The following CSMD1 variants were observed in gnomAD, a reference collection of about 807,000 sequenced individuals.
The protein encoded by CSMD1 is CUB and sushi domain-containing protein 1.
In CSMD1, 213 loss-of-function variants were observed where a neutral mutation model predicts 417.5. The observed-to-expected ratio is 0.51, with a 90% CI of 0.46 to 0.57. The LOEUF (loss-of-function observed/expected upper bound fraction) is 0.57. Among genes scored for constraint, CSMD1 ranks in the 20% least tolerant of loss-of-function variants. The pLI, the probability that CSMD1 is intolerant of heterozygous loss-of-function variation, is 0.00. For missense variants in CSMD1, 6,923 were observed against 4,529.7 expected (o/e 1.53, Z -15.17); for synonymous variants, 2,862 against 1,736.8 (o/e 1.65, Z -16.11).
intron 1 of CSMD1, among the ~76,000 whole-genome samples, chr8:4,834,178 G>A (rs1159660494): frequency 6.6e-6 from 1 of 152,158 alleles, no homozygotes; most frequent in South Asian, 2.1e-4. Flanking sequence ...TGTTATGTCA[G>A]GTTTAAATCT....
At chr8:3,975,446 A>G (rs932973288) in intron 5 of CSMD1, among the ~76,000 whole-genome samples, 1 of 152,128 alleles carries the variant, frequency 6.6e-6, no homozygotes, top group East Asian at 1.9e-4. Flanking sequence ...GAAAAATTCA[A>G]TTAGAAAATG....
chr8:4,246,821 T>C (rs765263497), intron 3 of CSMD1, among the ~76,000 whole-genome samples: 2 of 152,220 alleles, frequency 1.3e-5, no homozygotes, highest in Admixed American at 6.5e-5. Context: ...ATTTGACTTG[T>C]AAATAAATGT....
At chr8:4,731,870 T>C in intron 1 of CSMD1, among the ~76,000 whole-genome samples, 1 of 152,170 alleles carries the variant, frequency 6.6e-6, no homozygotes, top group East Asian at 1.9e-4. Flanking sequence ...TAGTACTGTA[T>C]TTTTATTCTA....
At chr8:4,184,056 T>C (rs893955528) in intron 3 of CSMD1, among the ~76,000 whole-genome samples, 5 of 152,212 alleles carry the variant, frequency 3.3e-5, no homozygotes, top group Admixed American at 2.0e-4. Context: ...TGTTATTATC[T>C]ACCCTGCAAT....
Position 4,398,212 on chromosome 8 carries a change from C to T in CSMD1, c.415+21741G>A, listed in dbSNP as rs75207715. ...GTAGCTGAGAATGTAGAAGGATGAT[C>T]TGTAGTATGTGGTGGGCCTCACTCC... On this transcript the variant is annotated intron_variant, in intron 3 of 69. Coordinates refer to ENST00000635120, the MANE Select transcript of CSMD1 (RefSeq NM_033225.6). 5.3e-3 allele frequency among the ~76,000 whole-genome samples: 809 copies of T among 152,180 alleles called. 7 individuals are homozygous for T. The highest frequency in any genetic ancestry group is 0.017 in the African/African-American group (698 of 41,526).
At chr8:4,015,831 A>T (rs977486652) in intron 4 of CSMD1, among the ~76,000 whole-genome samples, 7 of 152,176 alleles carry the variant, frequency 4.6e-5, no homozygotes, top group African/African-American at 1.7e-4. Context: ...CAAGCGGCGT[A>T]ACTTCCCAAT....
chr8:3,539,671 A>G (rs1216143892), intron 10 of CSMD1, among the ~76,000 whole-genome samples: 1 of 152,066 alleles, frequency 6.6e-6, no homozygotes, highest in African/African-American at 2.4e-5. Flanking sequence ...CTTGTCACCC[A>G]CTAAGAACCA....
In CSMD1 at chr8:4,675,422, A is replaced by G. The variant is rs149670955; in HGVS notation, c.86-37864T>C. Among the ~76,000 whole-genome samples the G allele has an allele frequency of 3.2e-3, 481 of 152,318 alleles. 5 individuals are homozygous for G. Among genetic ancestry groups the G allele is most frequent in the African/African-American group, 0.011 (457 of 41,576 alleles). On this transcript the variant is annotated intron_variant, in intron 1 of 69. Coordinates refer to ENST00000635120, the MANE Select transcript of CSMD1 (RefSeq NM_033225.6). ...TCTGAGCTGGCTGACTGTTTTTGTC[A>G]TATTTAACTTTGCTGAGCCTCAGGA...
chr8:3,597,601 C>A lies in CSMD1; in HGVS notation c.1098-11341G>T, dbSNP rs532829717. Among the ~76,000 whole-genome samples the A allele has an allele frequency of 3.3e-5, 5 of 152,252 alleles. No homozygotes were observed. In the South Asian group the frequency reaches 1.0e-3, roughly 32 times the overall value. On this transcript the variant is annotated intron_variant, in intron 8 of 69. Transcript: ENST00000635120. ...ATCATACTTCTTACAACTCTGAACA[C>A]AGTTCTTAAAATGTCTTTGCCCAGC...
At chr8:3,458,955 G>C (rs1816322522) in intron 12 of CSMD1, among the ~76,000 whole-genome samples, 1 of 152,204 alleles carries the variant, frequency 6.6e-6, no homozygotes, top group Non-Finnish European at 1.5e-5. Flanking sequence ...CCAGTGAGCT[G>C]TCCAGGAGAG....
intron 3 of CSMD1, among the ~76,000 whole-genome samples, chr8:4,185,201 A>C (rs556110598): frequency 1.1e-4 from 16 of 151,942 alleles, no homozygotes; most frequent in African/African-American, 3.9e-4. Context: ...ACAAAAATGC[A>C]AAAATGAGTA....
chr8:4,291,924 C>G (rs1797389409), intron 3 of CSMD1, among the ~76,000 whole-genome samples: 1 of 152,134 alleles, frequency 6.6e-6, no homozygotes, highest in Non-Finnish European at 1.5e-5. Context: ...GAACCTTCTG[C>G]CCTATGTGAA....
At chr8:4,832,093 G>A (rs1800189252) in intron 1 of CSMD1, among the ~76,000 whole-genome samples, 1 of 152,038 alleles carries the variant, frequency 6.6e-6, no homozygotes, top group Non-Finnish European at 1.5e-5. Context: ...CCTTCTCTTC[G>A]GGAACCTTTT....
At chr8:3,300,328 G>A (rs1363949677) in intron 25 of CSMD1, among the ~76,000 whole-genome samples, 2 of 151,600 alleles carry the variant, frequency 1.3e-5, no homozygotes, top group Non-Finnish European at 2.9e-5. Flanking sequence ...AGTTTTCTTT[G>A]GTGTTTAAGA....
chr8:4,522,629 T>C (rs969256726), intron 2 of CSMD1, among the ~76,000 whole-genome samples: 12 of 152,282 alleles, frequency 7.9e-5, no homozygotes, highest in Admixed American at 6.5e-4. Flanking sequence ...ACCAGACCCT[T>C]TCTGACTATA....
At chr8:4,306,609 G>T (rs549696899) in intron 3 of CSMD1, among the ~76,000 whole-genome samples, 3 of 151,908 alleles carry the variant, frequency 2.0e-5, no homozygotes, top group Non-Finnish European at 4.4e-5. Context: ...TTTCCTTCTT[G>T]GCCTCTTCAA....
intron 5 of CSMD1, among the ~76,000 whole-genome samples, chr8:3,769,630 A>C (rs1475041947): frequency 6.6e-6 from 1 of 152,144 alleles, no homozygotes; most frequent in African/African-American, 2.4e-5. Context: ...TTTAAAATCC[A>C]CTTTTTTCCA....
chr8:3,627,339 G>A (rs1054890379), intron 7 of CSMD1, among the ~76,000 whole-genome samples: 18 of 152,066 alleles, frequency 1.2e-4, no homozygotes, highest in Non-Finnish European at 2.2e-4. Context: ...TAATACGTGC[G>A]TTAAGACTTC....
Position 4,492,633 on chromosome 8 carries a change from C to T in CSMD1, c.303-72568G>A, listed in dbSNP as rs547881036. Among the ~76,000 whole-genome samples the T allele has an allele frequency of 1.3e-3, 198 of 152,098 alleles. 3 individuals carry two copies. Among genetic ancestry groups the T allele is most frequent in the African/African-American group, 1.8e-3 (75 of 41,498 alleles). On this transcript the variant is annotated intron_variant, in intron 2 of 69. Coordinates refer to ENST00000635120, the MANE Select transcript of CSMD1 (RefSeq NM_033225.6). ...AATTATGTCCATGAAGCACTAGTGC[C>T]GCCTTTGGATTTATATTTGATCAAA...
Sources: gnomAD v4.1 joint callset for allele counts (sites outside exome capture counted in the v4.1 genomes callset) on GRCh38, gnomAD v4.1.1 for gene constraint, MANE v1.5 for transcripts, NCBI Gene and HGNC (gene_info 2026-07-23, HGNC 2026-07-21) for gene names.